Variants in ZNF644 observed in about 807,000 individuals in gnomAD.
The protein encoded by ZNF644 is zinc finger motif enhancer binding protein 2.
Under a neutral mutation model 108.0 loss-of-function variants are expected in ZNF644, and 20 were observed. The ratio of observed to expected loss-of-function variants is 0.19; its 90% CI spans 0.13 to 0.27. The LOEUF (loss-of-function observed/expected upper bound fraction) is 0.27. Among genes scored for constraint, ZNF644 ranks in the 10% least tolerant of loss-of-function variants. The pLI is 1.00. For missense variants in ZNF644, 1,338 were observed against 1,548.9 expected (o/e 0.86, Z 2.29); for synonymous variants, 542 against 539.1 (o/e 1.01, Z -0.08).
chr1:90,986,741 G>A (rs932370305), intron 1 of ZNF644, among the ~76,000 whole-genome samples: 11 of 151,846 alleles, frequency 7.2e-5, no homozygotes, highest in East Asian at 3.9e-4. Context: ...AATTAACTCC[G>A]AAAGTTCAGA....
intron 1 of ZNF644, among the ~76,000 whole-genome samples, chr1:90,984,354 A>T (rs1656871710): frequency 6.6e-6 from 1 of 152,142 alleles, no homozygotes; most frequent in South Asian, 2.1e-4. Flanking sequence ...ACATAACAGA[A>T]ATTTATATTA....
chr1:90,944,821 C>T (rs1451937027), intron 2 of ZNF644, among the ~76,000 whole-genome samples: 1 of 152,062 alleles, frequency 6.6e-6, no homozygotes. Flanking sequence ...TTATACAATG[C>T]TCCAAATATA....
intron 4 of ZNF644, among the ~76,000 whole-genome samples, chr1:90,926,043 C>T (rs1375129839): frequency 6.6e-6 from 1 of 152,018 alleles, no homozygotes; most frequent in African/African-American, 2.4e-5. Flanking sequence ...TAAAAAGAAA[C>T]CAACCCTTTC....
chr1:91,000,722 T>C (rs942705535), intron 1 of ZNF644, among the ~76,000 whole-genome samples: 2 of 151,892 alleles, frequency 1.3e-5, no homozygotes, highest in African/African-American at 4.8e-5. Flanking sequence ...AAAACACCCT[T>C]CAAAAAAATC....
At chr1:90,975,923 T>C (rs531260072) in intron 2 of ZNF644, among the ~76,000 whole-genome samples, 1 of 152,294 alleles carries the variant, frequency 6.6e-6, no homozygotes, top group African/African-American at 2.4e-5. Context: ...GTATGAAGGC[T>C]TTCACAGTAT....
Position 90,939,237 on chromosome 1 carries a change from TGAG to T in ZNF644, c.2114_2116del (p.Pro705del). On this transcript the variant is annotated inframe_deletion, in exon 3 of 6. Transcript: ENST00000337393. ...GCTGCTTTTAATTGTAACATTCTTA[TGAG>T]GAGAGCTGTTTTGATTGCACATGTT... is the stretch of plus-strand genomic sequence containing the variant. The T allele has an allele frequency of 6.2e-7, 1 of 1,614,082 alleles. No homozygotes were observed. The highest frequency in any genetic ancestry group is 1.6e-4 in the Middle Eastern group (1 of 6,062).
At chr1:90,982,848 C>T (rs1470403286) in intron 1 of ZNF644, among the ~76,000 whole-genome samples, 2 of 151,752 alleles carry the variant, frequency 1.3e-5, no homozygotes, top group Non-Finnish European at 2.9e-5. Flanking sequence ...GTTAGAGCAA[C>T]CACAGTAATT....
intron 2 of ZNF644, among the ~76,000 whole-genome samples, chr1:90,961,737 TTA>T (rs1654362623): frequency 6.6e-6 from 1 of 152,134 alleles, no homozygotes; most frequent in South Asian, 2.1e-4. Flanking sequence ...TAAAATAAAC[TTA>T]TAAACATTTA....
At chr1:90,980,310 G>A (rs946576448) in intron 2 of ZNF644, among the ~76,000 whole-genome samples, 8 of 152,188 alleles carry the variant, frequency 5.3e-5, no homozygotes, top group Non-Finnish European at 1.0e-4. Flanking sequence ...TGGCAACTGG[G>A]GAGGCATGGG....
intron 1 of ZNF644, among the ~76,000 whole-genome samples, chr1:90,983,363 T>C (rs1364690861): frequency 6.7e-6 from 1 of 148,532 alleles, no homozygotes; most frequent in Non-Finnish European, 1.5e-5. Context: ...AACTATAAAA[T>C]AAAAGTAAGA....
chr1:90,939,923 C>T lies in ZNF644; in HGVS notation c.1431G>A (p.Leu477=), dbSNP rs1166965450. ...CTTTCAATTCACGAATTTCCTCCAT[C>T]AACTTCTGTCTTCTCTCCTGGTGAA... ...MIIHQERRQK[L]MEEIRELKEL... is the part of the protein sequence containing the mutation. Residue 477 remains leucine (L), a synonymous_variant, in exon 3 of 6, where the codon TTG becomes TTA. Coordinates refer to ENST00000337393, the MANE Select transcript of ZNF644 (RefSeq NM_201269.3). 6.2e-7 allele frequency: 1 copy of T among 1,614,070 alleles called. No homozygotes were observed.
chr1:90,917,993 A>C, intron 5 of ZNF644, 59 bp downstream of exon 5: 1 of 1,365,522 alleles, frequency 7.3e-7, no homozygotes. Flanking sequence ...TGAAATAGCT[A>C]ATATGTTTCA....
intron 2 of ZNF644, among the ~76,000 whole-genome samples, chr1:90,951,338 A>C (rs1653141577): frequency 2.0e-5 from 3 of 152,198 alleles, no homozygotes; most frequent in Non-Finnish European, 1.5e-5. Flanking sequence ...ACCTACAGAG[A>C]GATACTACTA....
intron 2 of ZNF644, among the ~76,000 whole-genome samples, chr1:90,955,705 C>G (rs1374591092): frequency 6.6e-6 from 1 of 152,316 alleles, no homozygotes; most frequent in East Asian, 1.9e-4. Context: ...TAAGCTTTTG[C>G]TTAAGGGAAT....
chr1:90,939,060 T>C lies in ZNF644; in HGVS notation c.2294A>G (p.Glu765Gly), dbSNP rs138085848. The C allele has an allele frequency of 1.2e-6, 2 of 1,613,782 alleles. No homozygotes were observed. The highest frequency in any genetic ancestry group is 2.2e-5 in the South Asian group (2 of 91,072). Residue 765 changes from glutamate to glycine, a missense_variant, in exon 3 of 6, where the codon GAA becomes GGA. This residue lies in a region of ZNF644 where 462 missense variants were observed against 472.6 expected (regional missense o/e 0.98). Transcript: ENST00000337393. ...GTGTAAAGAATTTAATGAACTAGCT[T>C]CTTCTTTTTTGAAATGCACAGGATA... ...ESYPVHFKKE[E>G]ASSLNSLHLF... is the part of the protein sequence containing the mutation.
intron 2 of ZNF644, among the ~76,000 whole-genome samples, chr1:90,954,156 C>T (rs761249057): frequency 1.5e-4 from 23 of 152,116 alleles, no homozygotes; most frequent in Non-Finnish European, 2.8e-4. Context: ...TTCTCTGTAA[C>T]GTGCAATGAT....
chr1:91,021,963 T>G, intron 1 of ZNF644, 27 bp downstream of exon 1: 1 of 398,794 alleles, frequency 2.5e-6, no homozygotes, highest in African/African-American at 2.1e-5. Flanking sequence ...TCCCAGCGAA[T>G]CTGACCAAAT....
At chr1:90,969,080 A>AT (rs1266264813) in intron 2 of ZNF644, among the ~76,000 whole-genome samples, 1 of 152,256 alleles carries the variant, frequency 6.6e-6, no homozygotes, top group Non-Finnish European at 1.5e-5. Flanking sequence ...AACACTTTAA[A>AT]TGCAATGTTA....
intron 2 of ZNF644, among the ~76,000 whole-genome samples, 156 bp from the exon 3 acceptor site, chr1:90,941,465 T>C (rs1376139881): frequency 6.6e-6 from 1 of 152,144 alleles, no homozygotes; most frequent in Admixed American, 6.6e-5. Flanking sequence ...CACAAACATA[T>C]TGAAATATTT....
Sources: gnomAD v4.1 joint callset for allele counts (sites outside exome capture counted in the v4.1 genomes callset) on GRCh38, gnomAD v4.1.1 for gene constraint, gnomAD v4.1.1 regional missense constraint, MANE v1.5 for transcripts, NCBI Gene and HGNC (gene_info 2026-07-23, HGNC 2026-07-21) for gene names.